The following A2ML1 variants were observed in gnomAD, a reference collection of about 807,000 sequenced individuals.
A2ML1 encodes alpha-2-macroglobulin like 1.
A2ML1 carries 161 observed loss-of-function variants against 181.9 expected under a neutral mutation model. The observed-to-expected ratio is 0.89, with a 90% CI of 0.78 to 1.01. A2ML1 has a LOEUF of 1.01. Ranked by LOEUF, A2ML1 falls within the 50% of genes least tolerant of loss-of-function variation. A2ML1 has a pLI of 0.00. For missense variants in A2ML1, 1,670 were observed against 1,768.1 expected, an observed-to-expected ratio of 0.94 and a Z score of 1.00; for synonymous variants, 663 against 666.8, an observed-to-expected ratio of 0.99 and a Z score of 0.09.
At chr12:8,847,098 C>CTTTTTTTTTTTTTTT (rs1212257948) in intron 14 of A2ML1, among the ~76,000 whole-genome samples, 17 of 93,250 alleles carry the variant, frequency 1.8e-4, no homozygotes, top group African/African-American at 2.7e-4. Context: ...CCATGCCTGG[C>CTTTTTTTTTTTTTTT]TTTTTTTTTT....
At position 8,870,553 on chromosome 12, in the gene A2ML1, C is replaced by T. The variant is rs189020866; in HGVS notation, c.4221+1350C>T. 3.3e-5 allele frequency among the ~76,000 whole-genome samples: 5 copies of T among 152,340 alleles called. No individual in the cohort carries two copies. The East Asian group carries it at 9.6e-4, about 29-fold the overall frequency. ...AAGTGTTAGGATTACAGGCGTAAGC[C>T]ACCGCACCCAGCCGAGTTGTGTATA... is the stretch of plus-strand genomic sequence containing the variant. On this transcript the variant is annotated intron_variant, in intron 33 of 35. Transcript: ENST00000299698.
At chr12:8,834,706 C>T (rs370049177) in intron 5 of A2ML1, 24 bp downstream of exon 5, 248 of 1,613,668 alleles carry the variant, frequency 1.5e-4, no homozygotes, top group Non-Finnish European at 2.1e-4. Flanking sequence ...TCTTTCTCTT[C>T]TCTGTCAGTT....
intron 7 of A2ML1, among the ~76,000 whole-genome samples, chr12:8,885,865 C>T (rs2046065701): frequency 6.6e-6 from 1 of 152,124 alleles, no homozygotes; most frequent in Non-Finnish European, 1.5e-5. Flanking sequence ...TAATATGGCT[C>T]AGATCATCTA....
Position 8,854,217 on chromosome 12 carries a change from AGTGACACGCT to A in A2ML1, c.2681_2690del (p.Ser894ThrfsTer98). On this transcript the variant is annotated frameshift_variant, in exon 21 of 36. Coordinates refer to ENST00000299698, the MANE Select transcript of A2ML1 (RefSeq NM_144670.6). LOFTEE classifies it high-confidence loss of function. ...GGGGTTTGTTCCCCAAAAGGGCCGA[AGTGACACGCT>A]CATCAAGCCAGTTCTCGTCAAAGTG... The A allele has an allele frequency of 6.2e-7, 1 of 1,609,030 alleles. No homozygotes were observed. Among genetic ancestry groups the A allele is most frequent in the South Asian group, 1.1e-5 (1 of 89,438 alleles).
chr12:8,844,467 A>C (rs1267388020), intron 12 of A2ML1, among the ~76,000 whole-genome samples: 1 of 152,144 alleles, frequency 6.6e-6, no homozygotes, highest in Non-Finnish European at 1.5e-5. Flanking sequence ...GGTTAAATTC[A>C]CATCGATAGC....
chr12:8,887,176 A>C (rs1592171988), downstream of A2ML1, among the ~76,000 whole-genome samples: 1 of 151,842 alleles, frequency 6.6e-6, no homozygotes, highest in African/African-American at 2.4e-5. Context: ...AACAAAAAAA[A>C]CAAAAAAACC....
chr12:8,823,613 C>G, intron 2 of A2ML1, 107 bp from the exon 3 acceptor site: 2 of 1,271,856 alleles, frequency 1.6e-6, no homozygotes, highest in Non-Finnish European at 2.2e-6. Flanking sequence ...ATCCTTGCTA[C>G]CCCCATCTAA....
chr12:8,850,324 C>T lies in A2ML1; in HGVS notation c.2234+50C>T, dbSNP rs184546046. 5.1e-3 allele frequency: 7,298 copies of T among 1,438,854 alleles called. 30 individuals are homozygous for T. Among genetic ancestry groups the T allele is most frequent in the Non-Finnish European group, 6.4e-3 (6,737 of 1,053,798 alleles). 89.1% of individuals were successfully genotyped at this position (1,438,854 alleles called of 1,614,324 possible). A position where few individuals can be genotyped will look rare whatever the true frequency, so the allele number is the denominator to read the frequency against. On this transcript the variant is annotated intron_variant, in intron 18 of 35. Transcript: ENST00000299698. ...TAAAGGGCCAGGTGCATGGCTCACG[C>T]CTGTAATCCCAACACTTTGGGAGGC...
intron 3 of A2ML1, among the ~76,000 whole-genome samples, chr12:8,827,365 T>C (rs1942963450): frequency 1.3e-5 from 2 of 152,190 alleles, no homozygotes; most frequent in Non-Finnish European, 2.9e-5. Flanking sequence ...TATCTTTCTC[T>C]AGGTTTGGAA....
intron 23 of A2ML1, among the ~76,000 whole-genome samples, chr12:8,856,433 A>T (rs985376128): frequency 6.6e-6 from 1 of 152,222 alleles, no homozygotes; most frequent in Non-Finnish European, 1.5e-5. Context: ...TTCAGGACAC[A>T]TTTATAGATT....
At chr12:8,857,799 C>T (rs1381770363) in intron 25 of A2ML1, 147 bp from the exon 26 acceptor site, 23 of 1,222,730 alleles carry the variant, frequency 1.9e-5, no homozygotes, top group Non-Finnish European at 2.7e-5. Flanking sequence ...CATTGGTGCC[C>T]ATTAATGCCT....
chr12:8,870,235 G>C (rs562905924), intron 33 of A2ML1, among the ~76,000 whole-genome samples: 4 of 151,902 alleles, frequency 2.6e-5, no homozygotes, highest in African/African-American at 7.3e-5. Context: ...AGGGAGCCAG[G>C]GTTTTTTATG....
At chr12:8,825,732 ATTAGAT>A (rs60898771) in intron 3 of A2ML1, among the ~76,000 whole-genome samples, 42,613 of 151,782 alleles carry the variant, frequency 0.28, 7,257 homozygotes, top group Middle Eastern at 0.41. Context: ...AGATTGAGGT[ATTAGAT>A]TTAAATCTTT....
At chr12:8,862,902 C>T (rs1297439420) in intron 28 of A2ML1, among the ~76,000 whole-genome samples, 1 of 152,100 alleles carries the variant, frequency 6.6e-6, no homozygotes, top group East Asian at 1.9e-4. Context: ...TTCTAACGTA[C>T]AGTCTTCTCA....
At chr12:8,850,445 G>T (rs1431886286) in intron 18 of A2ML1, among the ~76,000 whole-genome samples, 171 bp downstream of exon 18, 1 of 152,110 alleles carries the variant, frequency 6.6e-6, no homozygotes, top group African/African-American at 2.4e-5. Context: ...AAAATAGCCA[G>T]ATGGTAGTTG....
At chr12:8,836,763 G>A (rs1444839470) in intron 7 of A2ML1, among the ~76,000 whole-genome samples, 4 of 152,104 alleles carry the variant, frequency 2.6e-5, no homozygotes, top group Admixed American at 2.0e-4. Flanking sequence ...GATTACAGAC[G>A]TGAGCCACCG....
chr12:8,845,491 C>CCTTA lies in A2ML1; in HGVS notation c.1526_1527insCTTA (p.Lys510LeufsTer2), dbSNP rs1565475155. 1.9e-6 allele frequency: 3 copies of CCTTA among 1,613,996 alleles called. No individual in the cohort carries two copies. In the African/African-American group the frequency reaches 4.0e-5, roughly 22 times the overall value. On this transcript the variant is annotated frameshift_variant, in exon 13 of 36. Coordinates refer to ENST00000299698, the MANE Select transcript of A2ML1 (RefSeq NM_144670.6). LOFTEE classifies it high-confidence loss of function. Reference sequence around the variant, plus strand: ...ATGGAGGGGCAGAAACACCTGAACTCTAAGAAGAAAGGTGAGTGTACATGC... The same window carrying CCTTA: ...ATGGAGGGGCAGAAACACCTGAACTCCTTATAAGAAGAAAGGTGAGTGTACATGC...
chr12:8,880,870 G>T (rs1944864394), downstream of A2ML1, among the ~76,000 whole-genome samples: 1 of 152,210 alleles, frequency 6.6e-6, no homozygotes, highest in Non-Finnish European at 1.5e-5. Context: ...TCTTATGGGA[G>T]CCATAATGAA....
intron 22 of A2ML1, 100 bp downstream of exon 22, chr12:8,854,931 G>C: frequency 7.5e-7 from 1 of 1,325,172 alleles, no homozygotes; most frequent in South Asian, 1.3e-5. Context: ...GTCTCGCTCC[G>C]TCGTCCAGGC....
Sources: gnomAD v4.1 joint callset for allele counts (sites outside exome capture counted in the v4.1 genomes callset) on GRCh38, gnomAD v4.1.1 for gene constraint, MANE v1.5 for transcripts, NCBI Gene and HGNC (gene_info 2026-07-23, HGNC 2026-07-21) for gene names.